Variants in PLCXD3 observed in about 807,000 individuals in gnomAD.
The protein encoded by PLCXD3 is phosphatidylinositol specific phospholipase C X domain containing 3, also known as PI-PLC X domain-containing protein 3.
In PLCXD3, 19 loss-of-function variants were observed where a neutral mutation model predicts 25.5. That is an observed-to-expected ratio of 0.75 (90% CI 0.52 to 1.09). The LOEUF (loss-of-function observed/expected upper bound fraction) is 1.09. PLCXD3 is among the 50% of genes least tolerant of loss of function. The pLI is 0.00. For missense variants in PLCXD3, 411 were observed against 388.1 expected, an observed-to-expected ratio of 1.06 and a Z score of -0.50; for synonymous variants, 174 against 137.6, an observed-to-expected ratio of 1.26 and a Z score of -1.85.
chr5:41,500,638 G>A (rs1748932403), intron 1 of PLCXD3, among the ~76,000 whole-genome samples: 1 of 151,646 alleles, frequency 6.6e-6, no homozygotes, highest in Admixed American at 6.6e-5. Context: ...AAAATGTAGG[G>A]GGAAAGCTTT....
Position 41,312,022 on chromosome 5 carries a change from A to G in PLCXD3, c.*1595T>C, listed in dbSNP as rs1743145709. 1 of 152,568 alleles carries G rather than the reference A, an allele frequency of 6.6e-6. No homozygotes were observed. The allele number at this position is 152,568 out of a possible 1,614,324, so 9.5% of individuals were successfully genotyped here. On this transcript the variant is annotated 3_prime_UTR_variant, in exon 3 of 3. Transcript: ENST00000377801. Reference sequence around the variant, plus strand: ...ATTAATAATTGTAAGAATTTCATCAAATTTTATAATTTTATAAACACCTCA... The same window carrying G: ...ATTAATAATTGTAAGAATTTCATCAGATTTTATAATTTTATAAACACCTCA...
intron 1 of PLCXD3, among the ~76,000 whole-genome samples, chr5:41,428,734 C>T (rs992754499): frequency 1.3e-4 from 20 of 152,130 alleles, no homozygotes; most frequent in Admixed American, 1.2e-3. Context: ...AAATCAGTCC[C>T]TTCATCTTCC....
chr5:41,449,043 T>C (rs964981101), intron 1 of PLCXD3, among the ~76,000 whole-genome samples: 3 of 152,200 alleles, frequency 2.0e-5, no homozygotes, highest in Non-Finnish European at 2.9e-5. Flanking sequence ...GAAAACTTTC[T>C]ATATCCATGA....
At position 41,430,516 on chromosome 5, in the gene PLCXD3, C is replaced by A. The variant is rs192208783; in HGVS notation, c.104-47982G>T. On this transcript the variant is annotated intron_variant, in intron 1 of 2. Coordinates refer to ENST00000377801, the MANE Select transcript of PLCXD3 (RefSeq NM_001005473.3). ...TTCTGAGATCAGGGCTTAATGAGGCCGAGAATATTTAGGAAAGATACAAAA... is the reference window on the plus strand; with the variant it reads ...TTCTGAGATCAGGGCTTAATGAGGCAGAGAATATTTAGGAAAGATACAAAA... Among the ~76,000 whole-genome samples the A allele has an allele frequency of 3.1e-3, 465 of 152,124 alleles. 2 individuals carry two copies. The highest frequency in any genetic ancestry group is 9.7e-3 in the African/African-American group (403 of 41,510).
At chr5:41,499,446 C>T (rs1057008719) in intron 1 of PLCXD3, among the ~76,000 whole-genome samples, 4 of 151,468 alleles carry the variant, frequency 2.6e-5, no homozygotes, top group African/African-American at 9.7e-5. Flanking sequence ...ACAAAGGAGA[C>T]AAAAGATTTC....
At chr5:41,398,465 C>A (rs1008013142) in intron 1 of PLCXD3, among the ~76,000 whole-genome samples, 3 of 152,114 alleles carry the variant, frequency 2.0e-5, no homozygotes, top group African/African-American at 4.8e-5. Context: ...AATTAAATTT[C>A]TTTTCTTTAT....
chr5:41,418,424 C>G (rs573081700), intron 1 of PLCXD3, among the ~76,000 whole-genome samples: 1 of 152,150 alleles, frequency 6.6e-6, no homozygotes, highest in Admixed American at 6.5e-5. Context: ...ATTCTGGTGA[C>G]ACACAGCCTT....
intron 1 of PLCXD3, among the ~76,000 whole-genome samples, chr5:41,446,058 G>A (rs1049785566): frequency 6.6e-6 from 1 of 150,494 alleles, no homozygotes; most frequent in Non-Finnish European, 1.5e-5. Flanking sequence ...CGTAGTGGCG[G>A]GCGCCTGTAG....
At chr5:41,376,689 C>A (rs1013791331) in intron 2 of PLCXD3, among the ~76,000 whole-genome samples, 12 of 152,136 alleles carry the variant, frequency 7.9e-5, no homozygotes, top group African/African-American at 2.7e-4. Context: ...ATATCTCTCT[C>A]CTCTAAGTTA....
At chr5:41,412,874 T>C (rs984902979) in intron 1 of PLCXD3, among the ~76,000 whole-genome samples, 3 of 152,224 alleles carry the variant, frequency 2.0e-5, no homozygotes, top group Non-Finnish European at 4.4e-5. Flanking sequence ...CTGTAAAGCC[T>C]TTCTTTAATT....
chr5:41,433,882 TC>T (rs1747174196), intron 1 of PLCXD3, among the ~76,000 whole-genome samples: 1 of 152,108 alleles, frequency 6.6e-6, no homozygotes, highest in South Asian at 2.1e-4. Context: ...ATATGATTTT[TC>T]CCCCTCCTCT....
At chr5:41,345,648 T>G (rs1268731168) in intron 2 of PLCXD3, among the ~76,000 whole-genome samples, 1 of 151,512 alleles carries the variant, frequency 6.6e-6, no homozygotes, top group Non-Finnish European at 1.5e-5. Flanking sequence ...TTACCATGTT[T>G]CATCCTTTAC....
intron 2 of PLCXD3, among the ~76,000 whole-genome samples, chr5:41,342,190 A>T (rs575888063): frequency 2.4e-4 from 37 of 152,182 alleles, no homozygotes; most frequent in Non-Finnish European, 5.0e-4. Context: ...ATCAGCTCAG[A>T]GTATCCTACT....
chr5:41,334,104 C>G (rs1743911496), intron 2 of PLCXD3, among the ~76,000 whole-genome samples: 1 of 152,126 alleles, frequency 6.6e-6, no homozygotes, highest in Non-Finnish European at 1.5e-5. Flanking sequence ...AACCAACAAA[C>G]AAAAACAATC....
At chr5:41,332,759 C>CAT (rs1554043319) in intron 2 of PLCXD3, among the ~76,000 whole-genome samples, 1 of 152,106 alleles carries the variant, frequency 6.6e-6, no homozygotes, top group Non-Finnish European at 1.5e-5. Context: ...GAATACTATA[C>CAT]AGCCATAAAA....
chr5:41,343,420 G>C (rs1396692987), intron 2 of PLCXD3, among the ~76,000 whole-genome samples: 2 of 152,030 alleles, frequency 1.3e-5, no homozygotes, highest in East Asian at 3.9e-4. Flanking sequence ...CCATATATTT[G>C]GTGAATATAT....
intron 2 of PLCXD3, among the ~76,000 whole-genome samples, chr5:41,346,229 T>C (rs961215531): frequency 3.3e-5 from 5 of 152,158 alleles, no homozygotes; most frequent in African/African-American, 1.2e-4. Flanking sequence ...GTACAGAGAG[T>C]GCTCATATAC....
intron 2 of PLCXD3, among the ~76,000 whole-genome samples, chr5:41,328,561 T>C (rs1273587658): frequency 6.6e-6 from 1 of 152,112 alleles, no homozygotes; most frequent in East Asian, 1.9e-4. Flanking sequence ...CTAAAGTAAG[T>C]TGGTACAACA....
chr5:41,401,990 T>A (rs1281734516), intron 1 of PLCXD3, among the ~76,000 whole-genome samples: 1 of 151,936 alleles, frequency 6.6e-6, no homozygotes, highest in African/African-American at 2.4e-5. Context: ...TTCTTTCATT[T>A]TCTTGATGAA....
Sources: gnomAD v4.1 joint callset for allele counts (sites outside exome capture counted in the v4.1 genomes callset) on GRCh38, gnomAD v4.1.1 for gene constraint, MANE v1.5 for transcripts, NCBI Gene and HGNC (gene_info 2026-07-23, HGNC 2026-07-21) for gene names.